Variants in LRRTM4 observed in about 807,000 individuals in gnomAD.
The protein encoded by LRRTM4 is leucine rich repeat transmembrane neuronal 4, also known as leucine-rich repeat transmembrane neuronal protein 4.
A neutral mutation model predicts 47.6 loss-of-function variants in LRRTM4; 25 were observed. That is an observed-to-expected ratio of 0.53 (90% CI 0.38 to 0.73). The LOEUF (loss-of-function observed/expected upper bound fraction) is 0.73, where lower values mean the gene tolerates loss of function less well. Ranked by LOEUF, LRRTM4 falls within the 30% of genes least tolerant of loss-of-function variation. LRRTM4 has a pLI of 0.00. For missense variants in LRRTM4, 638 were observed against 713.4 expected, an observed-to-expected ratio of 0.89 and a Z score of 1.20; for synonymous variants, 311 against 269.5, an observed-to-expected ratio of 1.15 and a Z score of -1.51.
rs1041353169 is a variant in LRRTM4 at position 77,190,879 on chromosome 2, G to T, written c.1551+327439C>A. 2.6e-5 allele frequency among the ~76,000 whole-genome samples: 4 copies of T among 152,244 alleles called. No individual in the cohort carries two copies. The South Asian group carries it at 8.3e-4, about 32-fold the overall frequency. ...TGTGGAGGAATTAAAGGATACTATGGCAGTGTGTAGCAGATACATTCCTAA... is the reference window on the plus strand; with the variant it reads ...TGTGGAGGAATTAAAGGATACTATGTCAGTGTGTAGCAGATACATTCCTAA... On this transcript the variant is annotated intron_variant, in intron 3 of 3. Transcript: ENST00000409884.
chr2:76,907,310 A>C (rs1673879336), intron 3 of LRRTM4, among the ~76,000 whole-genome samples: 1 of 151,458 alleles, frequency 6.6e-6, no homozygotes, highest in African/African-American at 2.4e-5. Context: ...CAAAGACACA[A>C]CATACCAGAA....
At chr2:77,201,714 T>C (rs964391881) in intron 3 of LRRTM4, among the ~76,000 whole-genome samples, 1 of 152,224 alleles carries the variant, frequency 6.6e-6, no homozygotes, top group African/African-American at 2.4e-5. Flanking sequence ...TAACATTCCA[T>C]AGCATTTCTG....
intron 3 of LRRTM4, among the ~76,000 whole-genome samples, chr2:77,178,668 T>C (rs1217597572): frequency 3.3e-5 from 5 of 152,186 alleles, no homozygotes; most frequent in Non-Finnish European, 7.4e-5. Flanking sequence ...TCTTTTAATG[T>C]GTGTAAAAAC....
At chr2:77,297,937 T>C (rs561327473) in intron 3 of LRRTM4, among the ~76,000 whole-genome samples, 26 of 152,340 alleles carry the variant, frequency 1.7e-4, no homozygotes, top group South Asian at 6.2e-4. Flanking sequence ...TTTTAAATCT[T>C]GCATTGTTTC....
chr2:77,432,630 T>C (rs1675428565), intron 3 of LRRTM4, among the ~76,000 whole-genome samples: 1 of 152,228 alleles, frequency 6.6e-6, no homozygotes, highest in African/African-American at 2.4e-5. Flanking sequence ...GGCTAAGAGA[T>C]AAGTATACTT....
chr2:77,504,632 C>T (rs1047127228), intron 3 of LRRTM4, among the ~76,000 whole-genome samples: 1 of 151,470 alleles, frequency 6.6e-6, no homozygotes, highest in Non-Finnish European at 1.5e-5. Flanking sequence ...AACGTTGAGG[C>T]ATTTACAATC....
intron 3 of LRRTM4, among the ~76,000 whole-genome samples, chr2:77,033,049 T>C (rs375559641): frequency 3.7e-4 from 56 of 152,148 alleles, no homozygotes; most frequent in South Asian, 2.1e-3. Flanking sequence ...CTCGGGACAA[T>C]CACAATCAAT....
chr2:77,484,240 CAG>C (rs1311552094), intron 3 of LRRTM4, among the ~76,000 whole-genome samples: 2 of 152,212 alleles, frequency 1.3e-5, no homozygotes, highest in African/African-American at 4.8e-5. Flanking sequence ...GAGCTAGCAA[CAG>C]GGGATTTCTT....
intron 3 of LRRTM4, among the ~76,000 whole-genome samples, chr2:77,292,726 T>A (rs988064823): frequency 6.7e-6 from 1 of 149,304 alleles, no homozygotes; most frequent in Non-Finnish European, 1.5e-5. Context: ...AGGGGTAGCT[T>A]TAAGAGATAC....
At chr2:77,425,645 G>T (rs1573396532) in intron 3 of LRRTM4, among the ~76,000 whole-genome samples, 1 of 152,116 alleles carries the variant, frequency 6.6e-6, no homozygotes, top group South Asian at 2.1e-4. Flanking sequence ...TAAACAAGAA[G>T]TTTATTTCTT....
chr2:77,517,947 TTACTCCATTAC>T, intron 3 of LRRTM4: 1 of 1,007,380 alleles, frequency 9.9e-7, no homozygotes. Context: ...GCCCTCTTCT[TTACTCCATTAC>T]AACAGTCAAA....
intron 3 of LRRTM4, among the ~76,000 whole-genome samples, chr2:77,117,199 A>G (rs972244288): frequency 5.9e-5 from 9 of 151,954 alleles, no homozygotes; most frequent in African/African-American, 2.2e-4. Context: ...GTTGATGGAC[A>G]TTAGATTTAT....
chr2:77,293,622 T>C (rs564049444), intron 3 of LRRTM4, among the ~76,000 whole-genome samples: 202 of 152,246 alleles, frequency 1.3e-3, no homozygotes, highest in Non-Finnish European at 2.3e-3. Flanking sequence ...CGAACATACA[T>C]ATTTTTGTGA....
chr2:77,071,966 G>T (rs950375809), intron 3 of LRRTM4, among the ~76,000 whole-genome samples: 1 of 152,080 alleles, frequency 6.6e-6, no homozygotes, highest in African/African-American at 2.4e-5. Flanking sequence ...AATATTTTTT[G>T]ACTTGGTAAG....
intron 3 of LRRTM4, among the ~76,000 whole-genome samples, chr2:77,138,115 C>A (rs1197538142): frequency 6.6e-6 from 1 of 152,142 alleles, no homozygotes; most frequent in Non-Finnish European, 1.5e-5. Context: ...CAGCTCTGCA[C>A]CAAGTGGAAC....
chr2:77,334,777 T>C (rs934574612), intron 3 of LRRTM4, among the ~76,000 whole-genome samples: 1 of 152,198 alleles, frequency 6.6e-6, no homozygotes, highest in Non-Finnish European at 1.5e-5. Context: ...TGTAGCATGG[T>C]ACTCGGAGAT....
intron 3 of LRRTM4, among the ~76,000 whole-genome samples, chr2:77,349,885 A>G (rs1486345231): frequency 1.3e-5 from 2 of 152,160 alleles, no homozygotes; most frequent in Non-Finnish European, 2.9e-5. Context: ...AGCTAGGAGA[A>G]TATAATATTA....
In LRRTM4 at chr2:76,805,532, T is replaced by C. The variant is rs184741526; in HGVS notation, c.1552-56616A>G. 6.6e-5 allele frequency among the ~76,000 whole-genome samples: 10 copies of C among 152,272 alleles called. No individual in the cohort carries two copies. In the East Asian group the frequency reaches 1.5e-3, roughly 24 times the overall value. On this transcript the variant is annotated intron_variant, in intron 3 of 3. Coordinates refer to ENST00000409884, the MANE Select transcript of LRRTM4 (RefSeq NM_001134745.3). ...AAATTTAGGACATACATCATGTAGATCAAACCTACTGAAAATATATTAAAT... is the reference window on the plus strand; with the variant it reads ...AAATTTAGGACATACATCATGTAGACCAAACCTACTGAAAATATATTAAAT...
Position 77,519,201 on chromosome 2 carries a change from G to C in LRRTM4, c.668C>G (p.Ala223Gly). The C allele has an allele frequency of 1.2e-6, 2 of 1,613,298 alleles. No individual in the cohort carries two copies. The highest frequency in any genetic ancestry group is 1.7e-6 in the Non-Finnish European group (2 of 1,179,592). ...EHNQFSKINF[A>G]HFPRLFNLRS... ...GAGGTTGAAGAGACGTGGAAAATGA[G>C]CAAAGTTGATCTTGGAAAACTGGTT... Residue 223 changes from alanine (A) to glycine (G), a missense_variant, in exon 3 of 4, where the codon GCT (alanine) becomes GGT (glycine). Physicochemically the swap from Ala to Gly is moderately conservative, Grantham distance 60. Transcript: ENST00000409884. The surrounding 1 kb of genome is among the most constrained non-coding windows in gnomAD (Gnocchi z 4.6).
Sources: gnomAD v4.1 joint callset for allele counts (sites outside exome capture counted in the v4.1 genomes callset) on GRCh38, gnomAD v4.1.1 for gene constraint, Gnocchi (gnomAD v3.1) non-coding constraint, MANE v1.5 for transcripts, NCBI Gene and HGNC (gene_info 2026-07-23, HGNC 2026-07-21) for gene names.